Variants in POC1A observed in about 807,000 individuals in gnomAD.
POC1A encodes POC1 centriolar protein A.
A neutral mutation model predicts 47.8 loss-of-function variants in POC1A; 34 were observed. That is an observed-to-expected ratio of 0.71 (90% CI 0.54 to 0.95). POC1A has a LOEUF of 0.95. Ranked by LOEUF, POC1A falls within the 40% of genes least tolerant of loss-of-function variation. The pLI is 0.00. For synonymous variants in POC1A, 177 were observed against 207.6 expected (o/e 0.85, Z 1.27); for missense variants, 466 against 528.3 (o/e 0.88, Z 1.16).
Position 52,125,132 on chromosome 3 carries a change from G to A in POC1A, c.863C>T (p.Ser288Phe). The change falls in exon 8 of 11, where the codon TCT (serine) becomes TTT (phenylalanine). Residue 288 changes from serine (S) to phenylalanine (F), a missense_variant. Ser to Phe is a radical substitution (Grantham distance 155, BLOSUM62 -2). Transcript: ENST00000296484. Reference protein sequence around the residue: ...AFSRTGEYFASGGSDEQVMVW... With the variant: ...AFSRTGEYFAFGGSDEQVMVW... ...ACTTACTTGTTCATCAGAGCCTCCA[G>A]AAGCAAAATACTCCCCCGTTCTTGA... The A allele has an allele frequency of 1.9e-6, 3 of 1,613,722 alleles. No homozygotes were observed. Among genetic ancestry groups the A allele is most frequent in the Non-Finnish European group, 2.5e-6 (3 of 1,179,652 alleles).
intron 10 of POC1A, among the ~76,000 whole-genome samples, chr3:52,091,103 G>A (rs1309933187): frequency 6.6e-6 from 1 of 152,190 alleles, no homozygotes; most frequent in East Asian, 1.9e-4. Context: ...AAGACTTGAG[G>A]TAGGCCCAGC....
intron 7 of POC1A, among the ~76,000 whole-genome samples, chr3:52,129,826 CCA>C (rs1232150275): frequency 6.6e-6 from 1 of 152,234 alleles, no homozygotes; most frequent in African/African-American, 2.4e-5. Flanking sequence ...GGATCCACAC[CCA>C]GTCATTTTAC....
rs1702400401 is a variant in POC1A, at chr3:52,084,622, C to T, written c.1126-8637G>A. On this transcript the variant is annotated intron_variant, in intron 10 of 10. Transcript: ENST00000296484. This position sits in a 1 kb window ranked among gnomAD's most constrained non-coding sequence, Gnocchi z 4.3. ...GGCCAGATCCTTAAAAATACTTCTC[C>T]AAGTGCAGGCTTCACTCGAGGCTTC... Among the ~76,000 whole-genome samples, 1 of 152,202 alleles carries T rather than the reference C, an allele frequency of 6.6e-6. No homozygotes were observed. The highest frequency in any genetic ancestry group is 2.4e-5 in the African/African-American group (1 of 41,444).
At chr3:52,138,967 G>A (rs1266327985) in intron 6 of POC1A, among the ~76,000 whole-genome samples, 2 of 152,202 alleles carry the variant, frequency 1.3e-5, no homozygotes, top group Non-Finnish European at 2.9e-5. Flanking sequence ...CTGAGTAGCT[G>A]AGACTACAGG....
rs1559836324 is a variant in POC1A at position 52,125,159 on chromosome 3, A to C, written c.836T>G (p.Phe279Cys). ...AGCAAAATACTCCCCCGTTCTTGAA[A>C]AGGCAACAGTGGTGGCTGGTCCCTG... ...GHQGPATTVA[F>C]SRTGEYFASG... is the part of the protein sequence containing the mutation. The change falls in exon 8 of 11, where the codon TTT becomes TGT. Residue 279 changes from phenylalanine to cysteine, a missense_variant. Transcript: ENST00000296484. 6.2e-7 allele frequency: 1 copy of C among 1,614,106 alleles called. No homozygotes were observed. The highest frequency in any genetic ancestry group is 1.6e-4 in the Middle Eastern group (1 of 6,062).
chr3:52,100,752 T>C (rs1323204418), intron 9 of POC1A, among the ~76,000 whole-genome samples: 2 of 151,278 alleles, frequency 1.3e-5, no homozygotes, highest in Non-Finnish European at 3.0e-5. Flanking sequence ...TGGGCTTTCA[T>C]GACAAAAAAA....
At chr3:52,100,546 T>C (rs1315203005) in intron 9 of POC1A, among the ~76,000 whole-genome samples, 4 of 152,140 alleles carry the variant, frequency 2.6e-5, no homozygotes, top group Non-Finnish European at 4.4e-5. Context: ...AAATAGAAAG[T>C]GAGCATCAGC....
At chr3:52,114,111 G>A (rs1577861448) in intron 9 of POC1A, among the ~76,000 whole-genome samples, 1 of 152,262 alleles carries the variant, frequency 6.6e-6, no homozygotes, top group African/African-American at 2.4e-5. Context: ...CAGCATACTA[G>A]GGCAGCGCAG....
At chr3:52,136,837 T>C (rs1704488726) in intron 7 of POC1A, among the ~76,000 whole-genome samples, 1 of 152,202 alleles carries the variant, frequency 6.6e-6, no homozygotes, top group Non-Finnish European at 1.5e-5. Flanking sequence ...CACATTCAAG[T>C]GTTTTCAGGC....
At chr3:52,082,816 GC>G (rs1702344367) in intron 10 of POC1A, among the ~76,000 whole-genome samples, 1 of 152,020 alleles carries the variant, frequency 6.6e-6, no homozygotes, top group Non-Finnish European at 1.5e-5. Flanking sequence ...TGGCACCTGG[GC>G]CCCCAACTCC....
chr3:52,154,342 C>T lies in POC1A; in HGVS notation c.18+13G>A, dbSNP rs1698656430. ...AGACTGAGGCCTGGGGAGTTGCTCT[C>T]GGCTGGGCTTACCGCGCAGGGCGCA... On this transcript the variant is annotated intron_variant, in intron 1 of 10. Coordinates refer to ENST00000296484, the MANE Select transcript of POC1A (RefSeq NM_015426.5). 6.4e-7 allele frequency: 1 copy of T among 1,557,340 alleles called. No individual in the cohort carries two copies. The highest frequency in any genetic ancestry group is 8.7e-7 in the Non-Finnish European group (1 of 1,155,838).
At position 52,090,083 on chromosome 3, in the gene POC1A, T is replaced by C. The variant is rs1702595209; in HGVS notation, c.1125+6486A>G. Among the ~76,000 whole-genome samples the C allele has an allele frequency of 6.6e-6, 1 of 152,048 alleles. No homozygotes were observed. The highest frequency in any genetic ancestry group is 6.5e-5 in the Admixed American group (1 of 15,278). ...GTTAGGACAGCAAAACGCAATGACT[T>C]GAACACTTAACAAAATCGAATGCCA... On this transcript the variant is annotated intron_variant, in intron 10 of 10. Transcript: ENST00000296484. This position sits in a 1 kb window ranked among gnomAD's most constrained non-coding sequence, Gnocchi z 4.2.
chr3:52,141,909 A>G (rs1267279341), intron 6 of POC1A, among the ~76,000 whole-genome samples: 1 of 152,188 alleles, frequency 6.6e-6, no homozygotes, highest in Non-Finnish European at 1.5e-5. Flanking sequence ...ACTAAAGACC[A>G]TCGGACAGAG....
At chr3:52,112,176 C>A (rs1703409470) in intron 9 of POC1A, among the ~76,000 whole-genome samples, 1 of 152,174 alleles carries the variant, frequency 6.6e-6, no homozygotes, top group African/African-American at 2.4e-5. Context: ...CTTTTTGAGA[C>A]AGGGTCTCAC....
chr3:52,118,960 C>T (rs1273545329), intron 9 of POC1A, among the ~76,000 whole-genome samples: 1 of 151,866 alleles, frequency 6.6e-6, no homozygotes, highest in East Asian at 1.9e-4. Flanking sequence ...AAACACTCTC[C>T]AATTTTTAAG....
intron 6 of POC1A, among the ~76,000 whole-genome samples, chr3:52,140,217 A>T (rs1240359290): frequency 6.6e-6 from 1 of 152,196 alleles, no homozygotes; most frequent in Non-Finnish European, 1.5e-5. Flanking sequence ...TCCCAGGCAC[A>T]CTTAGGGGGA....
At chr3:52,150,948 C>G in intron 2 of POC1A, 68 bp downstream of exon 2, 1 of 1,405,588 alleles carries the variant, frequency 7.1e-7, no homozygotes, top group Non-Finnish European at 1.0e-6. Context: ...CACCCACCAC[C>G]CCTCCGAGGT....
intron 10 of POC1A, among the ~76,000 whole-genome samples, chr3:52,094,050 T>C (rs1702727254): frequency 6.6e-6 from 1 of 152,142 alleles, no homozygotes; most frequent in African/African-American, 2.4e-5. Context: ...GAAGGCAGCT[T>C]CCCTCTCAAA....
rs369762764 is a variant in POC1A, at chr3:52,136,276, A to T, written c.813+1893T>A. Among the ~76,000 whole-genome samples, 11 of 151,900 alleles carry T rather than the reference A, an allele frequency of 7.2e-5. No homozygotes were observed. In the East Asian group the frequency reaches 1.6e-3, roughly 21 times the overall value. On this transcript the variant is annotated intron_variant, in intron 7 of 10. Coordinates refer to ENST00000296484, the MANE Select transcript of POC1A (RefSeq NM_015426.5). Reference sequence around the variant, plus strand: ...AAAATAATTTGAGCCTCACACGCTGACTCCCACCTTCATCTGAGCTGTACC... The same window carrying T: ...AAAATAATTTGAGCCTCACACGCTGTCTCCCACCTTCATCTGAGCTGTACC...
Sources: allele counts gnomAD v4.1 joint callset (sites outside exome capture counted in the v4.1 genomes callset), GRCh38; gene constraint gnomAD v4.1.1; non-coding constraint Gnocchi (gnomAD v3.1); transcripts MANE v1.5; gene names NCBI Gene and HGNC (gene_info 2026-07-23, HGNC 2026-07-21).